LIN28B: variants seen among roughly 807,000 people sequenced by gnomAD.
LIN28B encodes the protein lin-28 RNA binding posttranscriptional regulator B, also known as protein lin-28 homolog B.
Under a neutral mutation model 21.9 loss-of-function variants are expected in LIN28B, and 5 were observed. That is an observed-to-expected ratio of 0.23 (90% CI 0.12 to 0.48). The LOEUF (loss-of-function observed/expected upper bound fraction) is 0.48. Among genes scored for constraint, LIN28B ranks in the 20% least tolerant of loss-of-function variants. LIN28B has a pLI of 0.98. For missense variants in LIN28B, 245 were observed against 310.5 expected, an observed-to-expected ratio of 0.79 and a Z score of 1.58; for synonymous variants, 109 against 111.3, an observed-to-expected ratio of 0.98 and a Z score of 0.13.
rs978646067 is a variant in LIN28B at position 105,050,474 on chromosome 6, T to C, written c.383+23992T>C. On this transcript the variant is annotated intron_variant, in intron 3 of 3. Transcript: ENST00000345080. The stretch of plus-strand genomic sequence containing the variant: ...AAAATTAGCCGGGCGCGGTGGCGGG[T>C]GCCTGTAGTCCCAGCTACTCGGGAG... Among the ~76,000 whole-genome samples the C allele has an allele frequency of 8.5e-3, 1,282 of 150,956 alleles. 14 individuals are homozygous for C. Among genetic ancestry groups the C allele is most frequent in the African/African-American group, 0.03 (1,231 of 41,202 alleles).
rs1562096247 is a variant in LIN28B at position 105,023,360 on chromosome 6, T to TA, written c.199-2937dup. Among the ~76,000 whole-genome samples, 2 of 15,958 alleles carry TA rather than the reference T, an allele frequency of 1.3e-4. 1 individual carries two copies. The highest frequency in any genetic ancestry group is 1.9e-4 in the Non-Finnish European group (2 of 10,300). The allele number at this position is 15,958 out of a possible 152,430, so 10.5% of individuals were successfully genotyped here. On this transcript the variant is annotated intron_variant, in intron 2 of 3. Coordinates refer to ENST00000345080, the MANE Select transcript of LIN28B (RefSeq NM_001004317.4). ...ATATTATATATAATATATATAATTATATTATATATAATATATATAATTATA... is the reference window on the plus strand; with the variant it reads ...ATATTATATATAATATATATAATTATAATTATATATAATATATATAATTATA...
chr6:105,067,042 A>G (rs1772232758), intron 3 of LIN28B, among the ~76,000 whole-genome samples: 1 of 152,174 alleles, frequency 6.6e-6, no homozygotes, highest in African/African-American at 2.4e-5. Context: ...TGAATTTGAA[A>G]TAGTCTGGTG....
intron 3 of LIN28B, among the ~76,000 whole-genome samples, chr6:105,067,234 A>G (rs912618089): frequency 6.6e-6 from 1 of 152,210 alleles, no homozygotes; most frequent in African/African-American, 2.4e-5. Flanking sequence ...TGATAGTAGT[A>G]CTAACTTTTT....
At chr6:105,056,883 G>A (rs1333143098) in intron 3 of LIN28B, among the ~76,000 whole-genome samples, 2 of 152,130 alleles carry the variant, frequency 1.3e-5, no homozygotes, top group African/African-American at 4.8e-5. Context: ...GAAAGCTGGG[G>A]CAAACATCTG....
At chr6:105,075,718 T>C (rs1414131807) in intron 3 of LIN28B, among the ~76,000 whole-genome samples, 1 of 152,170 alleles carries the variant, frequency 6.6e-6, no homozygotes. Context: ...GAAGATCCCA[T>C]TTGTGAAAGT....
intron 2 of LIN28B, among the ~76,000 whole-genome samples, chr6:104,985,172 C>T (rs565713436): frequency 2.6e-5 from 4 of 152,176 alleles, no homozygotes; most frequent in Non-Finnish European, 5.9e-5. Flanking sequence ...CAGGCTGGAG[C>T]TTGTAAGTTG....
intron 2 of LIN28B, among the ~76,000 whole-genome samples, chr6:104,944,927 T>A (rs1188558751): frequency 6.6e-6 from 1 of 151,994 alleles, no homozygotes; most frequent in Non-Finnish European, 1.5e-5. Context: ...AAAAAAGACT[T>A]GATGTTGAAT....
At chr6:105,024,896 G>T (rs534529647) in intron 2 of LIN28B, among the ~76,000 whole-genome samples, 1 of 152,296 alleles carries the variant, frequency 6.6e-6, no homozygotes, top group African/African-American at 2.4e-5. Flanking sequence ...TGTACTTAAA[G>T]AAGGGGCTCT....
At chr6:105,016,492 G>T (rs543268512) in intron 2 of LIN28B, among the ~76,000 whole-genome samples, 2 of 152,054 alleles carry the variant, frequency 1.3e-5, no homozygotes, top group African/African-American at 2.4e-5. Flanking sequence ...GATAGACAAG[G>T]GCTTTTTATG....
intron 3 of LIN28B, among the ~76,000 whole-genome samples, chr6:105,038,731 A>G (rs1771574699): frequency 6.6e-6 from 1 of 152,232 alleles, no homozygotes. Context: ...GTAATTGATA[A>G]ATAATTAATA....
At chr6:105,023,226 TA>T (rs1554188156) in intron 2 of LIN28B, among the ~76,000 whole-genome samples, 1 of 96,400 alleles carries the variant, frequency 1.0e-5, no homozygotes, top group African/African-American at 4.2e-5. Flanking sequence ...TATATATATA[TA>T]ATATATATTA....
At chr6:105,067,541 A>G (rs996609236) in intron 3 of LIN28B, among the ~76,000 whole-genome samples, 4 of 152,184 alleles carry the variant, frequency 2.6e-5, no homozygotes, top group Non-Finnish European at 5.9e-5. Flanking sequence ...TCATGAAGTT[A>G]TCTGTGTTTG....
At chr6:104,982,174 C>T (rs1055046861) in intron 2 of LIN28B, among the ~76,000 whole-genome samples, 3 of 151,854 alleles carry the variant, frequency 2.0e-5, no homozygotes, top group Non-Finnish European at 4.4e-5. Context: ...ACTTGCTGGG[C>T]GTGATGGCAT....
chr6:105,009,186 G>T (rs1582893073), intron 2 of LIN28B, among the ~76,000 whole-genome samples: 1 of 152,132 alleles, frequency 6.6e-6, no homozygotes, highest in South Asian at 2.1e-4. Context: ...TCTGAAATCT[G>T]CACCAAAAAA....
At chr6:104,993,712 G>C (rs1770540913) in intron 2 of LIN28B, among the ~76,000 whole-genome samples, 1 of 151,706 alleles carries the variant, frequency 6.6e-6, no homozygotes. Flanking sequence ...GCATGCATCT[G>C]TAGTCCCAGC....
chr6:105,005,808 A>G (rs530626078), intron 2 of LIN28B, among the ~76,000 whole-genome samples: 1 of 152,188 alleles, frequency 6.6e-6, no homozygotes, highest in South Asian at 2.1e-4. Context: ...GGACTAATAC[A>G]CTGTCATTGT....
At chr6:105,059,267 C>T (rs540096072) in intron 3 of LIN28B, among the ~76,000 whole-genome samples, 18 of 151,622 alleles carry the variant, frequency 1.2e-4, no homozygotes, top group African/African-American at 4.1e-4. Context: ...TGTCTTCCTT[C>T]TACTTTTCTG....
intron 2 of LIN28B, among the ~76,000 whole-genome samples, chr6:105,004,146 C>T (rs1382087274): frequency 6.6e-6 from 1 of 152,116 alleles, no homozygotes; most frequent in African/African-American, 2.4e-5. Context: ...CATTTTTCTG[C>T]CTGTATTATA....
At chr6:105,020,564 C>G (rs1225858035) in intron 2 of LIN28B, among the ~76,000 whole-genome samples, 2 of 151,928 alleles carry the variant, frequency 1.3e-5, no homozygotes, top group Non-Finnish European at 2.9e-5. Flanking sequence ...AGCAGTCTAC[C>G]TCCCTCGGCC....
Sources: gnomAD v4.1 joint callset for allele counts (sites outside exome capture counted in the v4.1 genomes callset) on GRCh38, gnomAD v4.1.1 for gene constraint, MANE v1.5 for transcripts, NCBI Gene and HGNC (gene_info 2026-07-23, HGNC 2026-07-21) for gene names.